The following MMP16 variants were observed in gnomAD, a reference collection of about 807,000 sequenced individuals.
MMP16 encodes the protein matrix metallopeptidase 16.
In MMP16, 12 loss-of-function variants were observed where a neutral mutation model predicts 67.8. The ratio of observed to expected loss-of-function variants is 0.18; its 90% confidence interval spans 0.11 to 0.29. The LOEUF is 0.29. Among genes scored for constraint, MMP16 ranks in the 10% least tolerant of loss-of-function variants. MMP16 has a pLI of 1.00. For missense variants in MMP16, 475 were observed against 765.7 expected (o/e 0.62, Z 4.48); for synonymous variants, 249 against 255.9 (o/e 0.97, Z 0.26).
chr8:88,058,892 G>T lies in MMP16; in HGVS notation c.1223-2614C>A, dbSNP rs979731643. On this transcript the variant is annotated intron_variant, in intron 7 of 9. Coordinates refer to ENST00000286614, the MANE Select transcript of MMP16 (RefSeq NM_005941.5). The surrounding 1 kb of genome is among the most constrained non-coding windows in gnomAD (Gnocchi z 4.2). Reference sequence around the variant, plus strand: ...AACACAGCAGAAATAGAGATGGAAAGGATAAAATAAAGTCAGGACATATTT... The same window carrying T: ...AACACAGCAGAAATAGAGATGGAAATGATAAAATAAAGTCAGGACATATTT... Among the ~76,000 whole-genome samples, 1 of 151,938 alleles carries T rather than the reference G, an allele frequency of 6.6e-6. No homozygotes were observed. The highest frequency in any genetic ancestry group is 1.9e-4 in the East Asian group (1 of 5,170).
intron 2 of MMP16, among the ~76,000 whole-genome samples, chr8:88,188,563 T>A (rs1359998738): frequency 6.6e-6 from 1 of 152,134 alleles, no homozygotes; most frequent in Non-Finnish European, 1.5e-5. Flanking sequence ...TTAGTATGTA[T>A]AAAATTGAAA....
At chr8:88,097,754 T>C (rs902466984) in intron 6 of MMP16, among the ~76,000 whole-genome samples, 2 of 151,846 alleles carry the variant, frequency 1.3e-5, no homozygotes, top group African/African-American at 4.8e-5. Flanking sequence ...ATAATTCAGT[T>C]TGTTAAAGAA....
In MMP16 at chr8:88,039,225, T is replaced by A. The variant is rs891864458; in HGVS notation, c.*2236A>T. On this transcript the variant is annotated 3_prime_UTR_variant, in exon 10 of 10. Transcript: ENST00000286614. This position sits in a 1 kb window ranked among gnomAD's most constrained non-coding sequence, Gnocchi z 4.5. ...TTCCTGCTTTATATAAAAGCCACAC[T>A]GGCCATTCAAGTATTTGAGGTTTTT... is the stretch of plus-strand genomic sequence containing the variant. 6.6e-6 allele frequency: 1 copy of A among 151,514 alleles called. No individual in the cohort carries two copies. The highest frequency in any genetic ancestry group is 2.4e-5 in the African/African-American group (1 of 41,270). 9.4% of individuals were successfully genotyped at this position (151,514 alleles called of 1,614,324 possible). A position where few individuals can be genotyped will look rare whatever the true frequency, so the allele number is the denominator to read the frequency against.
At chr8:88,285,979 T>C (rs1810824397) in intron 1 of MMP16, among the ~76,000 whole-genome samples, 1 of 152,200 alleles carries the variant, frequency 6.6e-6, no homozygotes, top group Admixed American at 6.5e-5. Context: ...ACTTTCTCAC[T>C]AACCTCTTAC....
At position 88,293,723 on chromosome 8, in the gene MMP16, A is replaced by G. The variant is rs369755432; in HGVS notation, c.132+33352T>C. ...AACTTTTTTTTAGAAAACCAAAAGG[A>G]GCTTCAGACTGTTTAAACAATTTTT... On this transcript the variant is annotated intron_variant, in intron 1 of 9. Transcript: ENST00000286614. Among the ~76,000 whole-genome samples the G allele has an allele frequency of 6.6e-5, 10 of 152,198 alleles. No individual in the cohort carries two copies. The East Asian group carries it at 1.7e-3, about 27-fold the overall frequency.
chr8:88,180,618 G>A (rs917730728), intron 3 of MMP16, among the ~76,000 whole-genome samples: 1 of 151,778 alleles, frequency 6.6e-6, no homozygotes, highest in Non-Finnish European at 1.5e-5. Flanking sequence ...TAACAATATA[G>A]CAAGAAAACA....
chr8:88,288,479 GTTGA>G (rs1473040120), intron 1 of MMP16, among the ~76,000 whole-genome samples: 3 of 152,114 alleles, frequency 2.0e-5, no homozygotes, highest in African/African-American at 7.2e-5. Flanking sequence ...CATACAAGAG[GTTGA>G]TTAAGTATGC....
chr8:88,300,689 G>T (rs986815302), intron 1 of MMP16, among the ~76,000 whole-genome samples: 1 of 152,148 alleles, frequency 6.6e-6, no homozygotes, highest in Admixed American at 6.5e-5. Context: ...TGGTACTATT[G>T]CTGGTTTCAG....
intron 1 of MMP16, among the ~76,000 whole-genome samples, chr8:88,289,530 C>T (rs1368156543): frequency 6.6e-6 from 1 of 152,076 alleles, no homozygotes; most frequent in Non-Finnish European, 1.5e-5. Context: ...TACACATACA[C>T]GCACACAAAG....
rs868348396 is a variant in MMP16 at position 88,217,702 on chromosome 8, A to G, written c.133-20396T>C. Among the ~76,000 whole-genome samples, 2 of 152,204 alleles carry G rather than the reference A, an allele frequency of 1.3e-5. 1 individual carries two copies. On this transcript the variant is annotated intron_variant, in intron 1 of 9. Coordinates refer to ENST00000286614, the MANE Select transcript of MMP16 (RefSeq NM_005941.5). ...ATCTGGAGACATTTTCTTTAAAATT[A>G]GAAAAAATTTGATCCTTACTATCAC...
At chr8:88,133,397 T>C (rs1490381292) in intron 4 of MMP16, among the ~76,000 whole-genome samples, 2 of 151,848 alleles carry the variant, frequency 1.3e-5, no homozygotes, top group Non-Finnish European at 2.9e-5. Flanking sequence ...CATTGTCTTG[T>C]CCACTAGGAG....
chr8:88,117,748 T>TA (rs545431380), intron 5 of MMP16, among the ~76,000 whole-genome samples: 90 of 151,554 alleles, frequency 5.9e-4, no homozygotes, highest in Middle Eastern at 3.4e-3. Flanking sequence ...TTATTAAAAT[T>TA]AAAAAAAAAC....
intron 1 of MMP16, among the ~76,000 whole-genome samples, chr8:88,289,202 G>C (rs1810882203): frequency 1.3e-5 from 2 of 152,156 alleles, no homozygotes; most frequent in Non-Finnish European, 2.9e-5. Context: ...CAGCACACTG[G>C]AGGGATGAAT....
intron 2 of MMP16, among the ~76,000 whole-genome samples, chr8:88,190,400 T>G (rs867430591): frequency 2.4e-4 from 37 of 152,186 alleles, no homozygotes; most frequent in African/African-American, 8.7e-4. Flanking sequence ...TTTGATTTCA[T>G]AAGCAGGCAG....
chr8:88,138,249 T>C (rs1050761288), intron 4 of MMP16, among the ~76,000 whole-genome samples: 2 of 151,950 alleles, frequency 1.3e-5, no homozygotes, highest in African/African-American at 4.8e-5. Flanking sequence ...ATCACCTGTG[T>C]CCTATTGGAG....
intron 4 of MMP16, among the ~76,000 whole-genome samples, chr8:88,156,946 A>G (rs573563279): frequency 6.6e-6 from 1 of 152,280 alleles, no homozygotes; most frequent in East Asian, 1.9e-4. Context: ...GATTCAATGT[A>G]TATATAAAAT....
At position 88,184,669 on chromosome 8, in the gene MMP16, C is replaced by A. The variant is rs1200502174; in HGVS notation, c.404+1807G>T. 2.2e-5 allele frequency among the ~76,000 whole-genome samples: 3 copies of A among 135,332 alleles called. No homozygotes were observed. In the East Asian group the frequency reaches 6.4e-4, roughly 29 times the overall value. 88.8% of individuals were successfully genotyped at this position (135,332 alleles called of 152,430 possible). Reference sequence around the variant, plus strand: ...GGCTAAGGCAGGAGGATCCCTTGAGCCTGGGAGGCAGAGTTTGTAGTGAGC... The same window carrying A: ...GGCTAAGGCAGGAGGATCCCTTGAGACTGGGAGGCAGAGTTTGTAGTGAGC... On this transcript the variant is annotated intron_variant, in intron 3 of 9. Coordinates refer to ENST00000286614, the MANE Select transcript of MMP16 (RefSeq NM_005941.5).
intron 1 of MMP16, among the ~76,000 whole-genome samples, chr8:88,285,528 C>A (rs1225084909): frequency 6.6e-6 from 1 of 152,148 alleles, no homozygotes; most frequent in African/African-American, 2.4e-5. Flanking sequence ...TCTTCACTTT[C>A]AAAGTATCAC....
intron 1 of MMP16, among the ~76,000 whole-genome samples, chr8:88,286,557 A>G (rs2130006580): frequency 6.6e-6 from 1 of 150,584 alleles, no homozygotes; most frequent in Admixed American, 6.7e-5. Context: ...AACCTGTTAC[A>G]TGAGTCAGAG....
Sources: gnomAD v4.1 joint callset for allele counts (sites outside exome capture counted in the v4.1 genomes callset) on GRCh38, gnomAD v4.1.1 for gene constraint, Gnocchi (gnomAD v3.1) non-coding constraint, MANE v1.5 for transcripts, NCBI Gene and HGNC (gene_info 2026-07-23, HGNC 2026-07-21) for gene names.